The following LTBP1 variants were observed in gnomAD, a reference collection of about 807,000 sequenced individuals.
LTBP1 encodes latent transforming growth factor beta binding protein 1, also known as latent-transforming growth factor beta-binding protein 1.
In LTBP1, 129 loss-of-function variants were observed where a neutral mutation model predicts 207.6. That is an observed-to-expected ratio of 0.62 (90% CI 0.54 to 0.72). The LOEUF (loss-of-function observed/expected upper bound fraction) is 0.72, where lower values mean the gene tolerates loss of function less well. Among genes scored for constraint, LTBP1 ranks in the 30% least tolerant of loss-of-function variants. LTBP1 has a pLI of 0.00. For missense variants in LTBP1, 2,281 were observed against 2,217.2 expected (o/e 1.03, Z -0.58); for synonymous variants, 963 against 833.7 (o/e 1.16, Z -2.67).
At chr2:33,211,575 T>TCCA (rs1356763373) in intron 7 of LTBP1, among the ~76,000 whole-genome samples, 1 of 152,206 alleles carries the variant, frequency 6.6e-6, no homozygotes, top group African/African-American at 2.4e-5. Flanking sequence ...CCAAGTCTAA[T>TCCA]GACTCCAGTC....
At chr2:33,196,493 CT>C (rs1273856321) in intron 7 of LTBP1, among the ~76,000 whole-genome samples, 2 of 151,874 alleles carry the variant, frequency 1.3e-5, no homozygotes, top group Middle Eastern at 3.4e-3. Flanking sequence ...AGAAATTGGC[CT>C]TGTGAAATGA....
chr2:33,175,761 C>T (rs573394851), intron 5 of LTBP1, among the ~76,000 whole-genome samples: 1 of 152,162 alleles, frequency 6.6e-6, no homozygotes, highest in South Asian at 2.1e-4. Context: ...ACCCAAATGG[C>T]CAACAGTGAT....
chr2:33,151,146 C>G (rs1296753641), intron 5 of LTBP1, among the ~76,000 whole-genome samples: 1 of 152,168 alleles, frequency 6.6e-6, no homozygotes. Flanking sequence ...ATGCATTCAT[C>G]TGTCGATGTA....
At chr2:33,220,749 A>G (rs2091049858) in intron 8 of LTBP1, among the ~76,000 whole-genome samples, 1 of 152,368 alleles carries the variant, frequency 6.6e-6, no homozygotes, top group South Asian at 2.1e-4. Flanking sequence ...CTATGGGACA[A>G]GACAGACCTG....
At chr2:33,171,340 C>G (rs2085425973) in intron 5 of LTBP1, among the ~76,000 whole-genome samples, 3 of 141,150 alleles carry the variant, frequency 2.1e-5, no homozygotes, top group Non-Finnish European at 4.7e-5. Context: ...AAAGCCAAGG[C>G]TCAAGAACTA....
intron 5 of LTBP1, among the ~76,000 whole-genome samples, chr2:33,144,412 C>T (rs779186327): frequency 6.6e-6 from 1 of 152,172 alleles, no homozygotes; most frequent in Non-Finnish European, 1.5e-5. Flanking sequence ...GATCGTGCTT[C>T]TTCTTGAGTT....
chr2:33,118,124 C>T (rs1425861348), intron 4 of LTBP1, among the ~76,000 whole-genome samples: 1 of 150,344 alleles, frequency 6.7e-6, no homozygotes, highest in Non-Finnish European at 1.5e-5. Flanking sequence ...GGAGAGAAGA[C>T]TTCCAGAGAA....
At chr2:33,265,977 C>T (rs532787666) in intron 15 of LTBP1, among the ~76,000 whole-genome samples, 1 of 152,154 alleles carries the variant, frequency 6.6e-6, no homozygotes, top group Non-Finnish European at 1.5e-5. Flanking sequence ...AGCTTTTGGC[C>T]ACTTAGTGAG....
intron 6 of LTBP1, among the ~76,000 whole-genome samples, chr2:33,187,518 G>T: frequency 2.0e-5 from 3 of 151,936 alleles, no homozygotes; most frequent in Middle Eastern, 6.8e-3. Context: ...AACCTCACTG[G>T]ACTTCAATTT....
chr2:33,293,479 A>C (rs750728286), intron 20 of LTBP1, among the ~76,000 whole-genome samples, 197 bp downstream of exon 20: 23 of 152,212 alleles, frequency 1.5e-4, no homozygotes, highest in Non-Finnish European at 2.8e-4. Flanking sequence ...ACATAAAGGG[A>C]AACGATGTAT....
chr2:33,196,313 G>A (rs1038682567), intron 7 of LTBP1, among the ~76,000 whole-genome samples: 1 of 151,120 alleles, frequency 6.6e-6, no homozygotes, highest in Non-Finnish European at 1.5e-5. Context: ...TAGAAAGAAG[G>A]GGGAAAATAT....
At chr2:33,107,706 T>C (rs111986268) in intron 3 of LTBP1, among the ~76,000 whole-genome samples, 155 of 152,370 alleles carry the variant, frequency 1.0e-3, no homozygotes, top group African/African-American at 3.6e-3. Flanking sequence ...CCTGGATTTA[T>C]ATCTTTTTAA....
intron 31 of LTBP1, among the ~76,000 whole-genome samples, chr2:33,366,202 T>C (rs529107944): frequency 1.3e-5 from 2 of 152,334 alleles, no homozygotes; most frequent in East Asian, 3.9e-4. Flanking sequence ...TTCCCTTTTT[T>C]ACCATCATAG....
chr2:33,228,573 A>G (rs1273211524), intron 9 of LTBP1, among the ~76,000 whole-genome samples: 2 of 152,102 alleles, frequency 1.3e-5, no homozygotes, highest in Non-Finnish European at 2.9e-5. Flanking sequence ...ACTTGGTTTA[A>G]TCTTCAAAAC....
intron 4 of LTBP1, among the ~76,000 whole-genome samples, chr2:33,112,116 G>A (rs1310167606): frequency 6.6e-6 from 1 of 152,190 alleles, no homozygotes; most frequent in South Asian, 2.1e-4. Context: ...GTGATGGGAA[G>A]AGAGATTTTA....
At chr2:33,336,114 A>C (rs989830011) in intron 24 of LTBP1, among the ~76,000 whole-genome samples, 5 of 152,162 alleles carry the variant, frequency 3.3e-5, no homozygotes, top group African/African-American at 1.2e-4. Context: ...TCTTGTATTA[A>C]AGGACAGAGA....
intron 4 of LTBP1, among the ~76,000 whole-genome samples, chr2:33,112,697 T>C (rs1312128841): frequency 6.6e-6 from 1 of 152,152 alleles, no homozygotes; most frequent in Non-Finnish European, 1.5e-5. Context: ...TGAAGGATAC[T>C]GAAATGGCAA....
intron 5 of LTBP1, among the ~76,000 whole-genome samples, chr2:33,164,926 C>G (rs2084792670): frequency 6.6e-6 from 1 of 152,130 alleles, no homozygotes; most frequent in African/African-American, 2.4e-5. Context: ...AGGGAGCAGT[C>G]AAAAGGAAGC....
chr2:33,219,795 C>G (rs1368285608), intron 8 of LTBP1, among the ~76,000 whole-genome samples: 1 of 152,016 alleles, frequency 6.6e-6, no homozygotes, highest in Non-Finnish European at 1.5e-5. Context: ...TCTCTTGTGT[C>G]CAAACCCCAA....
Sources: gnomAD v4.1 joint callset for allele counts (sites outside exome capture counted in the v4.1 genomes callset) on GRCh38, gnomAD v4.1.1 for gene constraint, MANE v1.5 for transcripts, NCBI Gene and HGNC (gene_info 2026-07-23, HGNC 2026-07-21) for gene names.